SYT14: variants seen among roughly 807,000 people sequenced by gnomAD.
The protein encoded by SYT14 is synaptotagmin 14.
In SYT14, 32 loss-of-function variants were observed where a neutral mutation model predicts 74.2. The observed-to-expected ratio is 0.43, with a 90% CI of 0.33 to 0.58. The LOEUF is 0.58. Among genes scored for constraint, SYT14 ranks in the 20% least tolerant of loss-of-function variants. The pLI is 0.05. For synonymous variants in SYT14, 298 were observed against 337.7 expected (o/e 0.88, Z 1.29); for missense variants, 791 against 981.8 (o/e 0.81, Z 2.60).
intron 2 of SYT14, among the ~76,000 whole-genome samples, chr1:209,990,551 A>ATATATATATGTG (rs1558114685): frequency 8.8e-6 from 1 of 113,130 alleles, no homozygotes; most frequent in African/African-American, 3.0e-5. Context: ...ATATATATGT[A>ATATATATATGTG]TATATATACG....
chr1:210,125,159 C>T (rs2082543389), intron 7 of SYT14, among the ~76,000 whole-genome samples: 1 of 151,910 alleles, frequency 6.6e-6, no homozygotes. Context: ...TTGAACCCAT[C>T]ACCCAAGTAG....
intron 7 of SYT14, among the ~76,000 whole-genome samples, chr1:210,123,915 T>A (rs1463918102): frequency 6.6e-6 from 1 of 152,106 alleles, no homozygotes; most frequent in African/African-American, 2.4e-5. Context: ...AGACAAATTT[T>A]TTTAAAAGAG....
At chr1:210,018,740 T>G (rs951505195) in intron 4 of SYT14, among the ~76,000 whole-genome samples, 7 of 152,190 alleles carry the variant, frequency 4.6e-5, no homozygotes, top group Non-Finnish European at 7.3e-5. Flanking sequence ...TCCCAAATGA[T>G]TTTCAAAAAT....
At chr1:210,132,737 T>C (rs911147804) in intron 7 of SYT14, among the ~76,000 whole-genome samples, 5 of 152,074 alleles carry the variant, frequency 3.3e-5, no homozygotes, top group Non-Finnish European at 5.9e-5. Flanking sequence ...CAACTAGATA[T>C]AATTTTTGGC....
At chr1:210,067,557 G>A (rs2081318498) in intron 5 of SYT14, among the ~76,000 whole-genome samples, 1 of 151,802 alleles carries the variant, frequency 6.6e-6, no homozygotes, top group Non-Finnish European at 1.5e-5. Flanking sequence ...AACTTTTTTA[G>A]GACTTGAAAC....
intron 1 of SYT14, among the ~76,000 whole-genome samples, chr1:209,940,126 A>G (rs1176026765): frequency 6.6e-6 from 1 of 152,242 alleles, no homozygotes; most frequent in Non-Finnish European, 1.5e-5. Context: ...TGTAATTAAT[A>G]TTAGCACTTC....
At chr1:210,056,837 A>ATTATTTAT (rs148786795) in intron 5 of SYT14, among the ~76,000 whole-genome samples, 75,165 of 148,080 alleles carry the variant, frequency 0.51, 21,900 homozygotes, top group African/African-American at 0.8. Context: ...TGTTACTATT[A>ATTATTTAT]TTATTTATTT....
intron 5 of SYT14, among the ~76,000 whole-genome samples, chr1:210,068,216 G>C (rs1328783261): frequency 6.6e-6 from 1 of 151,564 alleles, no homozygotes; most frequent in African/African-American, 2.4e-5. Context: ...CTTTTAATCT[G>C]TTCATGTTGT....
At chr1:210,134,731 C>T (rs2082747014) in intron 7 of SYT14, among the ~76,000 whole-genome samples, 1 of 152,132 alleles carries the variant, frequency 6.6e-6, no homozygotes, top group Non-Finnish European at 1.5e-5. Flanking sequence ...CACTGTAAAA[C>T]TGTTGATAAA....
At chr1:209,941,162 C>A (rs1365766756) in intron 1 of SYT14, among the ~76,000 whole-genome samples, 1 of 152,106 alleles carries the variant, frequency 6.6e-6, no homozygotes, top group East Asian at 1.9e-4. Context: ...TCTGTGTAAA[C>A]CTATTTTATA....
At chr1:210,034,083 G>A (rs2080600931) in intron 5 of SYT14, among the ~76,000 whole-genome samples, 1 of 151,742 alleles carries the variant, frequency 6.6e-6, no homozygotes, top group Admixed American at 6.6e-5. Flanking sequence ...AAACACTATT[G>A]TAAACATTTT....
At chr1:209,992,394 A>G (rs1431716706) in intron 2 of SYT14, among the ~76,000 whole-genome samples, 1 of 152,216 alleles carries the variant, frequency 6.6e-6, no homozygotes, top group Non-Finnish European at 1.5e-5. Flanking sequence ...CATGGAGGGA[A>G]CTGGAGGCCA....
intron 5 of SYT14, among the ~76,000 whole-genome samples, chr1:210,050,899 C>CA (rs1203925654): frequency 6.6e-6 from 1 of 152,182 alleles, no homozygotes; most frequent in East Asian, 1.9e-4. Context: ...TGGATGGAGA[C>CA]ACAGCCAAAC....
chr1:210,121,714 A>G lies in SYT14; in HGVS notation c.2034+21253A>G, dbSNP rs575969802. Among the ~76,000 whole-genome samples the G allele has an allele frequency of 2.6e-5, 4 of 151,854 alleles. No homozygotes were observed. The South Asian group carries it at 8.3e-4, about 32-fold the overall frequency. On this transcript the variant is annotated intron_variant, in intron 7 of 9. Coordinates refer to ENST00000637265, the Ensembl canonical transcript of SYT14. Reference sequence around the variant, plus strand: ...GAGGCTGAGGCAGGAGAATGGCGTGAACCCAGGAGGCAGAGCTTGCAGTGA... The same window carrying G: ...GAGGCTGAGGCAGGAGAATGGCGTGGACCCAGGAGGCAGAGCTTGCAGTGA...
At chr1:210,103,244 G>C (rs1040938660) in intron 7 of SYT14, among the ~76,000 whole-genome samples, 3 of 152,026 alleles carry the variant, frequency 2.0e-5, no homozygotes, top group Admixed American at 6.6e-5. Context: ...GTTTCCCTGA[G>C]AATAAGATTA....
intron 7 of SYT14, among the ~76,000 whole-genome samples, chr1:210,125,329 G>A (rs530024325): frequency 2.0e-5 from 3 of 151,740 alleles, no homozygotes; most frequent in South Asian, 2.1e-4. Flanking sequence ...CTGTTTCTGC[G>A]CTAATTCACT....
intron 7 of SYT14, among the ~76,000 whole-genome samples, chr1:210,117,584 A>G (rs2082384951): frequency 6.6e-6 from 1 of 152,144 alleles, no homozygotes. Flanking sequence ...TAGTATAAAA[A>G]CTTAATGATT....
intron 5 of SYT14, among the ~76,000 whole-genome samples, chr1:210,079,712 C>T (rs1377175079): frequency 1.3e-5 from 2 of 152,078 alleles, no homozygotes; most frequent in Admixed American, 1.3e-4. Context: ...AGTCATTGGA[C>T]AGTAGGCAGG....
At chr1:210,094,005 T>C (rs1558184433) in intron 5 of SYT14, among the ~76,000 whole-genome samples, 1 of 146,982 alleles carries the variant, frequency 6.8e-6, no homozygotes, top group African/African-American at 2.6e-5. Flanking sequence ...TATGTATACA[T>C]CGGGATTGTT....
Sources: gnomAD v4.1 joint callset for allele counts (sites outside exome capture counted in the v4.1 genomes callset) on GRCh38, gnomAD v4.1.1 for gene constraint, MANE v1.5 for transcripts, NCBI Gene and HGNC (gene_info 2026-07-23, HGNC 2026-07-21) for gene names.